Variants in MIS18A observed in about 807,000 individuals in gnomAD.
MIS18A encodes protein Mis18-alpha.
In MIS18A, 14 loss-of-function variants were observed where a neutral mutation model predicts 25.0. That is an observed-to-expected ratio of 0.56 (90% CI 0.37 to 0.88). The LOEUF is 0.88. MIS18A is among the 40% of genes least tolerant of loss of function. The pLI is 0.00. For missense variants in MIS18A, 292 were observed against 290.8 expected, an observed-to-expected ratio of 1.00 and a Z score of -0.03; for synonymous variants, 134 against 118.6, an observed-to-expected ratio of 1.13 and a Z score of -0.84.
At chr21:32,217,748 C>T in the MIS18A span, among the ~76,000 whole-genome samples, 366 of 151,906 alleles carry the variant, frequency 2.4e-3, 1 homozygote, top group African/African-American at 8.5e-3. Context: ...AAGGGATCCT[C>T]AAGAATGTTA....
the MIS18A span, among the ~76,000 whole-genome samples, chr21:32,156,097 C>CT: frequency 2.0e-5 from 3 of 152,090 alleles, no homozygotes; most frequent in African/African-American, 4.8e-5. Context: ...TTCCTTGACC[C>CT]TTTTTTAACC....
At chr21:32,270,850 G>A (rs2833750) in intron 2 of MIS18A, among the ~76,000 whole-genome samples, 12,011 of 152,036 alleles carry the variant, frequency 0.079, 501 homozygotes, top group Middle Eastern at 0.13. Context: ...TTTTAGCCTC[G>A]CCAGCCATCT....
chr21:32,233,553 C>T, the MIS18A span, among the ~76,000 whole-genome samples: 5 of 152,200 alleles, frequency 3.3e-5, no homozygotes, highest in Non-Finnish European at 7.3e-5. Context: ...GGCTTTGATT[C>T]TGGTCAGAAT....
intron 2 of MIS18A, among the ~76,000 whole-genome samples, chr21:32,274,175 A>G (rs2123468742): frequency 1.3e-5 from 2 of 148,644 alleles, no homozygotes; most frequent in African/African-American, 5.0e-5. Context: ...GAGATTTTAT[A>G]ATATAGGTAT....
the MIS18A span, among the ~76,000 whole-genome samples, chr21:32,252,239 AAGGAGGAGGAGG>A: frequency 9.1e-4 from 52 of 57,078 alleles, no homozygotes; most frequent in African/African-American, 1.2e-3. Flanking sequence ...GAAGAAGAAG[AAGGAGGAGGAGG>A]AGGAGGAGGA....
chr21:32,161,711 C>T, the MIS18A span, among the ~76,000 whole-genome samples: 1 of 141,266 alleles, frequency 7.1e-6, no homozygotes, highest in East Asian at 2.0e-4. Flanking sequence ...AGGCTGATCT[C>T]GAATGCCTGA....
the MIS18A span, among the ~76,000 whole-genome samples, chr21:32,226,280 T>TAA: frequency 0.032 from 4,241 of 131,462 alleles, 213 homozygotes; most frequent in African/African-American, 0.11. Context: ...TAAAGTATAA[T>TAA]AAAAAAAAAA....
Position 32,278,857 on chromosome 21 carries a change from C to G in MIS18A, c.158G>C (p.Ser53Thr). The change falls in exon 1 of 5, where the codon AGC becomes ACC. Residue 53 changes from serine to threonine, a missense_variant. Physicochemically the swap from Ser to Thr is moderately conservative, Grantham distance 58. Transcript: ENST00000290130. ...QLLQKWASMW[S>T]SMSEDASVAD... ...CACCGACGCGTCTTCGCTCATGGAG[C>G]TCCACATGCTCGCCCACTTCTGCAA... The G allele has an allele frequency of 6.2e-7, 1 of 1,612,404 alleles. No homozygotes were observed. Among genetic ancestry groups the G allele is most frequent in the African/African-American group, 1.3e-5 (1 of 75,060 alleles).
the MIS18A span, among the ~76,000 whole-genome samples, chr21:32,245,963 G>A: frequency 6.6e-6 from 1 of 152,092 alleles, no homozygotes; most frequent in Non-Finnish European, 1.5e-5. Flanking sequence ...GCATCTGCTC[G>A]GCTTCTGGAG....
In MIS18A at chr21:32,278,977, C is replaced by T. The variant is rs780876771; in HGVS notation, c.38G>A (p.Cys13Tyr). The change falls in exon 1 of 5, where the codon TGC becomes TAC. Residue 13 changes from cysteine (C) to tyrosine (Y), a missense_variant. Transcript: ENST00000290130. ...GTCGCCGCACTCACAGCCGCCAGCGCATCCTCTGCTACACCTCAGTGACCG... is the reference window on the plus strand; with the variant it reads ...GTCGCCGCACTCACAGCCGCCAGCGTATCCTCTGCTACACCTCAGTGACCG... ...GVRSLRCSRG[C>Y]AGGCECGDKG... The T allele has an allele frequency of 6.2e-6, 10 of 1,611,068 alleles. No homozygotes were observed. Among genetic ancestry groups the T allele is most frequent in the Middle Eastern group, 1.6e-4 (1 of 6,082 alleles).
rs779035685 is a variant in MIS18A, at chr21:32,278,776, G to A, written c.239C>T (p.Pro80Leu). The change falls in exon 1 of 5, where the codon CCG becomes CTG. Residue 80 changes from proline to leucine, a missense_variant. Coordinates refer to ENST00000290130, the MANE Select transcript of MIS18A (RefSeq NM_018944.3). ...GCAGCCGGAGCACAGGAACACCAGC[G>A]GCCTCTCCTCCGCAGCCGCCGCCTC... Reference protein sequence around the residue: ...EEEAAAAEERPLVFLCSGCRR... With the variant: ...EEEAAAAEERLLVFLCSGCRR... The A allele has an allele frequency of 7.6e-6, 12 of 1,580,630 alleles. No individual in the cohort carries two copies. The Admixed American group carries it at 2.0e-4, about 26-fold the overall frequency.
the MIS18A span, among the ~76,000 whole-genome samples, chr21:32,249,236 T>C: frequency 6.6e-6 from 1 of 152,148 alleles, no homozygotes; most frequent in Non-Finnish European, 1.5e-5. Context: ...AATGCGTTAT[T>C]CTCTGACATT....
the MIS18A span, among the ~76,000 whole-genome samples, chr21:32,179,880 A>G: frequency 2.0e-5 from 3 of 152,192 alleles, no homozygotes; most frequent in African/African-American, 7.2e-5. Flanking sequence ...TCTGCATACA[A>G]TGTTCCAGTA....
the MIS18A span, among the ~76,000 whole-genome samples, chr21:32,189,047 C>T: frequency 6.6e-6 from 1 of 152,196 alleles, no homozygotes; most frequent in Admixed American, 6.5e-5. Context: ...CCTTAAAATA[C>T]AACCCACAGT....
At chr21:32,229,616 T>C in the MIS18A span, among the ~76,000 whole-genome samples, 5 of 152,344 alleles carry the variant, frequency 3.3e-5, no homozygotes, top group East Asian at 7.7e-4. Flanking sequence ...CTTTGCCAAA[T>C]ACAGAATCAA....
At chr21:32,183,242 A>G in the MIS18A span, among the ~76,000 whole-genome samples, 7 of 152,190 alleles carry the variant, frequency 4.6e-5, no homozygotes, top group African/African-American at 1.4e-4. Flanking sequence ...TGCTATTAAC[A>G]CTACAACTGT....
At chr21:32,211,598 T>G in the MIS18A span, among the ~76,000 whole-genome samples, 9 of 152,216 alleles carry the variant, frequency 5.9e-5, no homozygotes, top group African/African-American at 2.2e-4. Context: ...CTGCCACCAC[T>G]GAGTTACAAT....
chr21:32,274,940 T>A (rs759298183), intron 1 of MIS18A, 44 bp from the exon 2 acceptor site: 13 of 1,490,386 alleles, frequency 8.7e-6, no homozygotes, highest in Middle Eastern at 1.7e-4. Flanking sequence ...TGTAGTTCGT[T>A]ATAACATACC....
chr21:32,160,285 AAC>A, the MIS18A span, among the ~76,000 whole-genome samples: 13,272 of 145,218 alleles, frequency 0.091, 590 homozygotes, highest in Non-Finnish European at 0.11. Context: ...ACACCTCTGC[AAC>A]ACACACACAC....
Sources: allele counts gnomAD v4.1 joint callset (sites outside exome capture counted in the v4.1 genomes callset), GRCh38; gene constraint gnomAD v4.1.1; transcripts MANE v1.5; gene names NCBI Gene and HGNC (gene_info 2026-07-23, HGNC 2026-07-21).